MACROD2: variants seen among roughly 807,000 people sequenced by gnomAD.
The protein encoded by MACROD2 is ADP-ribose glycohydrolase MACROD2.
In MACROD2, 36 loss-of-function variants were observed where a neutral mutation model predicts 70.4. That is an observed-to-expected ratio of 0.51 (90% CI 0.39 to 0.68). The LOEUF (loss-of-function observed/expected upper bound fraction) is 0.68. Among genes scored for constraint, MACROD2 ranks in the 30% least tolerant of loss-of-function variants. MACROD2 has a pLI of 0.00. For missense variants in MACROD2, 496 were observed against 538.4 expected (o/e 0.92, Z 0.78); for synonymous variants, 172 against 178.8 (o/e 0.96, Z 0.30).
At chr20:15,350,202 C>T (rs1014184468) in intron 6 of MACROD2, among the ~76,000 whole-genome samples, 7 of 152,138 alleles carry the variant, frequency 4.6e-5, no homozygotes, top group African/African-American at 1.7e-4. Flanking sequence ...GTTTTTTCGT[C>T]ATTATAGCTT....
At chr20:15,166,131 G>A (rs866736427) in intron 5 of MACROD2, among the ~76,000 whole-genome samples, 3 of 152,252 alleles carry the variant, frequency 2.0e-5, no homozygotes, top group Admixed American at 2.0e-4. Flanking sequence ...GGATCTTTCT[G>A]GAGTGATAAA....
intron 9 of MACROD2, among the ~76,000 whole-genome samples, chr20:15,864,303 T>C (rs541831120): frequency 1.3e-5 from 2 of 152,310 alleles, no homozygotes; most frequent in East Asian, 3.9e-4. Flanking sequence ...TACCTGTATT[T>C]TGAAGTATTG....
At chr20:14,989,704 T>C (rs887451487) in intron 5 of MACROD2, among the ~76,000 whole-genome samples, 17 of 152,150 alleles carry the variant, frequency 1.1e-4, no homozygotes, top group Middle Eastern at 3.2e-3. Flanking sequence ...ATTTAAGATG[T>C]TAATGAGCAT....
intron 8 of MACROD2, among the ~76,000 whole-genome samples, chr20:15,551,649 C>T (rs1056438438): frequency 1.6e-4 from 24 of 151,992 alleles, no homozygotes; most frequent in South Asian, 4.2e-4. Flanking sequence ...GAGGCCAAGG[C>T]GGGTGCATCA....
At chr20:15,764,798 C>T (rs2051495306) in intron 8 of MACROD2, among the ~76,000 whole-genome samples, 1 of 152,160 alleles carries the variant, frequency 6.6e-6, no homozygotes, top group Non-Finnish European at 1.5e-5. Context: ...TTGCTCAGAA[C>T]TCTCCAGTGG....
intron 3 of MACROD2, among the ~76,000 whole-genome samples, chr20:14,229,796 A>C (rs1194074840): frequency 6.6e-6 from 1 of 152,240 alleles, no homozygotes; most frequent in African/African-American, 2.4e-5. Flanking sequence ...AGTAGAAGCA[A>C]CCAAGATGTC....
chr20:15,876,814 G>C (rs1156629036), intron 9 of MACROD2, among the ~76,000 whole-genome samples: 4 of 152,000 alleles, frequency 2.6e-5, no homozygotes, highest in African/African-American at 7.2e-5. Context: ...TACTAACTGG[G>C]GTGAGATGAT....
chr20:14,726,688 G>T (rs73899274), intron 5 of MACROD2, among the ~76,000 whole-genome samples: 1 of 151,970 alleles, frequency 6.6e-6, no homozygotes, highest in Non-Finnish European at 1.5e-5. Flanking sequence ...TTAACTACTC[G>T]GGCATCAAGT....
chr20:15,553,545 A>T (rs2146592160), intron 8 of MACROD2, among the ~76,000 whole-genome samples: 1 of 152,228 alleles, frequency 6.6e-6, no homozygotes, highest in African/African-American at 2.4e-5. Flanking sequence ...CAGCCTCCCA[A>T]GTAGCTGGGA....
At chr20:14,098,916 C>T (rs2054264372) in intron 3 of MACROD2, among the ~76,000 whole-genome samples, 1 of 152,130 alleles carries the variant, frequency 6.6e-6, no homozygotes, top group South Asian at 2.1e-4. Flanking sequence ...GATCCAAACA[C>T]ACACACAGAA....
intron 8 of MACROD2, among the ~76,000 whole-genome samples, chr20:15,735,283 T>G (rs529482463): frequency 6.6e-6 from 1 of 152,290 alleles, no homozygotes; most frequent in African/African-American, 2.4e-5. Flanking sequence ...ATTGAAATAT[T>G]TGTGCACAAA....
intron 4 of MACROD2, among the ~76,000 whole-genome samples, chr20:14,587,137 A>C (rs957821581): frequency 1.3e-5 from 2 of 151,822 alleles, no homozygotes; most frequent in African/African-American, 2.4e-5. Context: ...AATTGGCTGC[A>C]CACCTTTATA....
intron 5 of MACROD2, among the ~76,000 whole-genome samples, chr20:15,200,746 C>G (rs139571848): frequency 6.6e-6 from 1 of 152,280 alleles, no homozygotes; most frequent in East Asian, 1.9e-4. Context: ...GTTACAGATA[C>G]AATCAGAGCA....
intron 3 of MACROD2, among the ~76,000 whole-genome samples, chr20:14,195,156 G>C (rs1292806619): frequency 6.6e-6 from 1 of 152,122 alleles, no homozygotes; most frequent in East Asian, 1.9e-4. Flanking sequence ...ATTAAAATGA[G>C]TTTTATTTTG....
At chr20:15,112,212 A>G (rs1344128443) in intron 5 of MACROD2, among the ~76,000 whole-genome samples, 1 of 152,156 alleles carries the variant, frequency 6.6e-6, no homozygotes, top group African/African-American at 2.4e-5. Context: ...TATCTTCTTA[A>G]TCATTGCACG....
chr20:14,531,072 A>G (rs1211851066), intron 4 of MACROD2, among the ~76,000 whole-genome samples: 1 of 152,208 alleles, frequency 6.6e-6, no homozygotes, highest in African/African-American at 2.4e-5. Context: ...AAATTATTTT[A>G]TTTTCCATTT....
intron 5 of MACROD2, among the ~76,000 whole-genome samples, chr20:15,014,529 A>G (rs1375679195): frequency 1.3e-5 from 2 of 152,196 alleles, no homozygotes; most frequent in Non-Finnish European, 2.9e-5. Flanking sequence ...GTCAGAGTAA[A>G]TGATCACCAG....
intron 3 of MACROD2, among the ~76,000 whole-genome samples, chr20:14,409,798 A>G (rs2122861791): frequency 6.6e-6 from 1 of 152,250 alleles, no homozygotes; most frequent in South Asian, 2.1e-4. Context: ...GCATTGATAC[A>G]AGAATGCTCA....
At chr20:14,997,452 T>G (rs2074959624) in intron 5 of MACROD2, among the ~76,000 whole-genome samples, 1 of 152,118 alleles carries the variant, frequency 6.6e-6, no homozygotes, top group Non-Finnish European at 1.5e-5. Flanking sequence ...CCCAGTTCTG[T>G]GCTGGCTTCA....
Sources: allele counts gnomAD v4.1 joint callset (sites outside exome capture counted in the v4.1 genomes callset), GRCh38; gene constraint gnomAD v4.1.1; transcripts MANE v1.5; gene names NCBI Gene and HGNC (gene_info 2026-07-23, HGNC 2026-07-21).